Variants in LRRC37A2 observed in about 807,000 individuals in gnomAD.
The protein encoded by LRRC37A2 is leucine-rich repeat-containing protein 37A2.
In LRRC37A2, 9 loss-of-function variants were observed where a neutral mutation model predicts 68.8. That is an observed-to-expected ratio of 0.13 (90% CI 0.08 to 0.23). The LOEUF is 0.23. LRRC37A2 is among the 10% of genes least tolerant of loss of function. The pLI is 1.00. For synonymous variants in LRRC37A2, 63 were observed against 367.6 expected, an observed-to-expected ratio of 0.17 and a Z score of 9.48; for missense variants, 168 against 950.4, an observed-to-expected ratio of 0.18 and a Z score of 10.82.
At chr17:46,750,150 C>T in the LRRC37A2 span, among the ~76,000 whole-genome samples, 11 of 152,238 alleles carry the variant, frequency 7.2e-5, no homozygotes, top group Non-Finnish European at 1.3e-4. Flanking sequence ...GTCAGGAGTT[C>T]GAGACCAGCC....
the LRRC37A2 span, among the ~76,000 whole-genome samples, chr17:46,904,233 T>C: frequency 7.1e-5 from 10 of 141,318 alleles, no homozygotes; most frequent in Admixed American, 2.8e-4. Flanking sequence ...GGTAGATGGA[T>C]GTATGGGTGA....
the LRRC37A2 span, among the ~76,000 whole-genome samples, chr17:46,784,724 C>T: frequency 1.3e-5 from 2 of 152,030 alleles, no homozygotes; most frequent in Admixed American, 6.6e-5. Context: ...CATACCTACA[C>T]AGAGGGAGCC....
the LRRC37A2 span, among the ~76,000 whole-genome samples, chr17:46,774,502 T>C: frequency 5.5e-4 from 84 of 152,366 alleles, 1 homozygote; most frequent in East Asian, 0.016. Flanking sequence ...TCCATGACCA[T>C]CTTTCCAGTT....
chr17:46,762,504 C>A, the LRRC37A2 span: 2 of 151,648 alleles, frequency 1.3e-5, no homozygotes, highest in Admixed American at 6.6e-5. Flanking sequence ...ACAATGTATC[C>A]ATTTTAGGTT....
chr17:46,845,168 G>A, the LRRC37A2 span, among the ~76,000 whole-genome samples: 1 of 152,132 alleles, frequency 6.6e-6, no homozygotes, highest in Non-Finnish European at 1.5e-5. Flanking sequence ...CTTCTTTTGA[G>A]CAGTATCCAT....
chr17:46,958,386 A>G, the LRRC37A2 span, among the ~76,000 whole-genome samples: 1 of 152,250 alleles, frequency 6.6e-6, no homozygotes, highest in African/African-American at 2.4e-5. Flanking sequence ...GGGAGCTAGC[A>G]AAGAAGACTG....
At chr17:47,019,031 G>T in the LRRC37A2 span, 3 of 1,451,800 alleles carry the variant, frequency 2.1e-6, no homozygotes, top group African/African-American at 1.4e-5. Context: ...TTTTGGACCT[G>T]GGACTTACCA....
the LRRC37A2 span, chr17:46,773,978 G>T: frequency 6.4e-7 from 1 of 1,566,296 alleles, no homozygotes; most frequent in Non-Finnish European, 8.6e-7. Context: ...CACCATGGCC[G>T]CTTTGTGAAC....
chr17:46,757,515 A>G, the LRRC37A2 span: 1 of 152,602 alleles, frequency 6.6e-6, no homozygotes, highest in South Asian at 2.1e-4. Context: ...GCTGATAGGA[A>G]TGGAGGAAGA....
chr17:46,921,775 AC>A, the LRRC37A2 span, among the ~76,000 whole-genome samples: 1 of 152,214 alleles, frequency 6.6e-6, no homozygotes, highest in Non-Finnish European at 1.5e-5. Flanking sequence ...AATCAAAACC[AC>A]AATGAGATAC....
chr17:46,935,800 A>G, the LRRC37A2 span: 21 of 986,554 alleles, frequency 2.1e-5, no homozygotes, highest in Non-Finnish European at 2.5e-5. Flanking sequence ...GTTTACAGAA[A>G]CATTACACAG....
chr17:46,847,949 C>T, the LRRC37A2 span, among the ~76,000 whole-genome samples: 2 of 145,002 alleles, frequency 1.4e-5, no homozygotes, highest in Non-Finnish European at 3.0e-5. Context: ...TCAGCCTCAT[C>T]ATGTTTGTGA....
At chr17:46,966,654 T>A in the LRRC37A2 span, 1 of 593,616 alleles carries the variant, frequency 1.7e-6, no homozygotes, top group Non-Finnish European at 3.1e-6. Context: ...GACCTCCAAA[T>A]ACCTTTTGAA....
chr17:46,877,215 G>C, the LRRC37A2 span: 1 of 377,502 alleles, frequency 2.6e-6, no homozygotes, highest in Non-Finnish European at 3.6e-6. Context: ...CAGGTGCAGT[G>C]GGCTCCAGGT....
the LRRC37A2 span, among the ~76,000 whole-genome samples, chr17:47,033,689 C>T: frequency 6.6e-6 from 1 of 152,158 alleles, no homozygotes; most frequent in African/African-American, 2.4e-5. Context: ...AAACATAGCC[C>T]ATCTATCTGG....
At chr17:46,963,525 C>T in the LRRC37A2 span, among the ~76,000 whole-genome samples, 2 of 134,656 alleles carry the variant, frequency 1.5e-5, no homozygotes, top group Non-Finnish European at 3.1e-5. Flanking sequence ...GCCTGGGCGA[C>T]AGAGTGAGGC....
At chr17:46,848,515 A>G in the LRRC37A2 span, among the ~76,000 whole-genome samples, 1 of 152,248 alleles carries the variant, frequency 6.6e-6, no homozygotes, top group South Asian at 2.1e-4. Flanking sequence ...GTAGGTCCCA[A>G]GGGCTGCTCT....
chr17:46,937,325 T>C, the LRRC37A2 span: 1 of 152,248 alleles, frequency 6.6e-6, no homozygotes, highest in Non-Finnish European at 1.5e-5. Context: ...AAGATTGTAC[T>C]CTACAAAGTA....
the LRRC37A2 span, chr17:46,923,179 G>GC: frequency 2.6e-6 from 4 of 1,530,674 alleles, no homozygotes; most frequent in Admixed American, 2.0e-5. Flanking sequence ...GCCGTGGCCT[G>GC]CGGGGCCGGC....
Sources: gnomAD v4.1 joint callset for allele counts (sites outside exome capture counted in the v4.1 genomes callset) on GRCh38, gnomAD v4.1.1 for gene constraint, MANE v1.5 for transcripts, NCBI Gene and HGNC (gene_info 2026-07-23, HGNC 2026-07-21) for gene names.